Variants in GABRA2 observed in about 807,000 individuals in gnomAD.
GABRA2 encodes gamma-aminobutyric acid type A receptor subunit alpha2.
A neutral mutation model predicts 48.7 loss-of-function variants in GABRA2; 16 were observed. That is an observed-to-expected ratio of 0.33 (90% confidence interval 0.22 to 0.50). The LOEUF is 0.50. Ranked by LOEUF, GABRA2 falls within the 20% of genes least tolerant of loss-of-function variation. GABRA2 has a pLI of 0.98. For missense variants in GABRA2, 275 were observed against 535.6 expected (o/e 0.51, Z 4.80); for synonymous variants, 185 against 184.5 (o/e 1.00, Z -0.02).
rs1714405806 is a variant in GABRA2, at chr4:46,249,982, T to C, written c.*326A>G. On this transcript the variant is annotated 3_prime_UTR_variant, in exon 10 of 10. Coordinates refer to ENST00000381620, the MANE Select transcript of GABRA2 (RefSeq NM_000807.4). ...CTACTTAAGAGCTAAACCAAAAGGG[T>C]CCACAAAGGGTTGTACAGGATCCCC... 4.7e-6 allele frequency: 1 copy of C among 212,352 alleles called. No individual in the cohort carries two copies. Among genetic ancestry groups the C allele is most frequent in the East Asian group, 1.1e-4 (1 of 9,308 alleles). 13.2% of individuals were successfully genotyped at this position (212,352 alleles called of 1,614,324 possible).
chr4:46,283,635 A>G (rs759359131), intron 8 of GABRA2, among the ~76,000 whole-genome samples: 5 of 152,222 alleles, frequency 3.3e-5, no homozygotes, highest in Non-Finnish European at 7.3e-5. Context: ...GATATAAAAG[A>G]AGTAGCTAAT....
At chr4:46,369,512 T>C (rs1347136631) in intron 3 of GABRA2, among the ~76,000 whole-genome samples, 1 of 151,530 alleles carries the variant, frequency 6.6e-6, no homozygotes, top group African/African-American at 2.4e-5. Flanking sequence ...GCTTGACAAA[T>C]ACAGATACCA....
At chr4:46,353,115 A>C (rs991791690) in intron 3 of GABRA2, among the ~76,000 whole-genome samples, 2 of 152,158 alleles carry the variant, frequency 1.3e-5, no homozygotes, top group South Asian at 4.1e-4. Flanking sequence ...GCCACAAATT[A>C]CAAAATAACA....
intron 4 of GABRA2, among the ~76,000 whole-genome samples, chr4:46,313,419 C>G (rs1439456715): frequency 6.6e-6 from 1 of 151,820 alleles, no homozygotes; most frequent in African/African-American, 2.4e-5. Context: ...ATACAAGCAC[C>G]TTACAAGTTT....
intron 8 of GABRA2, among the ~76,000 whole-genome samples, chr4:46,286,993 T>C (rs1722669682): frequency 6.6e-6 from 1 of 152,166 alleles, no homozygotes; most frequent in South Asian, 2.1e-4. Context: ...GTGCTTTTGG[T>C]GTTAGATCTA....
At chr4:46,318,173 C>A (rs1728865343) in intron 4 of GABRA2, among the ~76,000 whole-genome samples, 1 of 151,110 alleles carries the variant, frequency 6.6e-6, no homozygotes, top group Non-Finnish European at 1.5e-5. Flanking sequence ...ACCATTTAAA[C>A]ATTAATTACT....
At chr4:46,350,850 A>G (rs1054222845) in intron 3 of GABRA2, among the ~76,000 whole-genome samples, 1 of 151,988 alleles carries the variant, frequency 6.6e-6, no homozygotes, top group Non-Finnish European at 1.5e-5. Flanking sequence ...AAATAAGTAG[A>G]CAGATTATGT....
chr4:46,364,742 A>C (rs1379582786), intron 3 of GABRA2: 3 of 152,106 alleles, frequency 2.0e-5, no homozygotes, highest in African/African-American at 7.2e-5. Flanking sequence ...TCTGTCTCTG[A>C]TCTCTTGATT....
At chr4:46,379,271 G>C (rs1483296516) in intron 3 of GABRA2, among the ~76,000 whole-genome samples, 1 of 152,138 alleles carries the variant, frequency 6.6e-6, no homozygotes, top group African/African-American at 2.4e-5. Flanking sequence ...ATGCCATATG[G>C]AGAGAAGTGG....
chr4:46,302,499 ACT>A (rs1347637447), intron 8 of GABRA2: 1 of 152,110 alleles, frequency 6.6e-6, no homozygotes, highest in Non-Finnish European at 1.5e-5. Flanking sequence ...AAAATCAAAC[ACT>A]CTAGTAAAAG....
At chr4:46,294,529 A>C (rs533992340) in intron 8 of GABRA2, among the ~76,000 whole-genome samples, 32 of 152,320 alleles carry the variant, frequency 2.1e-4, no homozygotes, top group African/African-American at 7.7e-4. Context: ...TTTGAGTGGC[A>C]TCCAGAACAG....
At chr4:46,277,140 C>A (rs771618898) in intron 8 of GABRA2, among the ~76,000 whole-genome samples, 6 of 152,074 alleles carry the variant, frequency 3.9e-5, no homozygotes, top group African/African-American at 1.4e-4. Context: ...TCAAGTCAGG[C>A]CACCTATATT....
At chr4:46,282,242 A>G (rs1017696383) in intron 8 of GABRA2, among the ~76,000 whole-genome samples, 9 of 152,158 alleles carry the variant, frequency 5.9e-5, no homozygotes, top group African/African-American at 2.2e-4. Flanking sequence ...GACAATTCCC[A>G]CTGGCTCAAG....
intron 9 of GABRA2, chr4:46,256,428 A>G: frequency 2.1e-6 from 1 of 472,228 alleles, no homozygotes. Flanking sequence ...GAAAAATTTG[A>G]CATCACTTTC....
In GABRA2 at chr4:46,246,880, T is replaced by G. The variant is rs190607657; in HGVS notation, c.*3428A>C. Among the ~76,000 whole-genome samples the G allele has an allele frequency of 2.7e-3, 410 of 151,230 alleles. 7 individuals carry two copies. Among genetic ancestry groups the G allele is most frequent in the Non-Finnish European group, 2.3e-3 (154 of 67,394 alleles). On this transcript the variant is annotated 3_prime_UTR_variant, in exon 10 of 10. Coordinates refer to ENST00000381620, the MANE Select transcript of GABRA2 (RefSeq NM_000807.4). ...TGACTTGAGCTACTTCCTTTCTTCT[T>G]TCATTGGAATGATGACCGGCCATGC...
intron 4 of GABRA2, among the ~76,000 whole-genome samples, chr4:46,322,736 C>A (rs1265946809): frequency 6.6e-6 from 1 of 151,856 alleles, no homozygotes; most frequent in Non-Finnish European, 1.5e-5. Flanking sequence ...TAAGGGGAGT[C>A]ATTGTAAATT....
rs575031858 is a variant in GABRA2, at chr4:46,245,543, A to T, written c.*4765T>A. 3.3e-5 allele frequency among the ~76,000 whole-genome samples: 5 copies of T among 151,494 alleles called. No homozygotes were observed. Among genetic ancestry groups the T allele is most frequent in the Admixed American group, 3.3e-4 (5 of 15,166 alleles). On this transcript the variant is annotated 3_prime_UTR_variant, in exon 10 of 10. Transcript: ENST00000381620. ...ATTCTAATTAATAAGTTTGTTATGG[A>T]TTTACTGAAAAATGTGTTCTAGTGT...
At chr4:46,383,704 A>G (rs1023229752) in intron 3 of GABRA2, among the ~76,000 whole-genome samples, 4 of 152,210 alleles carry the variant, frequency 2.6e-5, no homozygotes, top group Non-Finnish European at 4.4e-5. Flanking sequence ...AATTCAGTTA[A>G]GAAAGATCTT....
rs1307022491 is a variant in GABRA2 at position 46,250,203 on chromosome 4, T to C, written c.*105A>G. 6.5e-6 allele frequency: 6 copies of C among 927,306 alleles called. No individual in the cohort carries two copies. Among genetic ancestry groups the C allele is most frequent in the Admixed American group, 2.2e-5 (1 of 44,660 alleles). The allele number at this position is 927,306 out of a possible 1,614,324, so 57.4% of individuals were successfully genotyped here. On this transcript the variant is annotated 3_prime_UTR_variant, in exon 10 of 10. Coordinates refer to ENST00000381620, the MANE Select transcript of GABRA2 (RefSeq NM_000807.4). ...GTAAGCTATGTCACTATATACATAC[T>C]GTACATGTTGGATCACAAATTAGCA...
Sources: gnomAD v4.1 joint callset for allele counts (sites outside exome capture counted in the v4.1 genomes callset) on GRCh38, gnomAD v4.1.1 for gene constraint, MANE v1.5 for transcripts, NCBI Gene and HGNC (gene_info 2026-07-23, HGNC 2026-07-21) for gene names.